Variants in FSTL5 observed in about 807,000 individuals in gnomAD.
FSTL5 encodes the protein follistatin like 5.
FSTL5 carries 62 observed loss-of-function variants against 89.1 expected under a neutral mutation model. The observed-to-expected ratio is 0.70, with a 90% confidence interval of 0.57 to 0.86. FSTL5 has a LOEUF of 0.86. Among genes scored for constraint, FSTL5 ranks in the 40% least tolerant of loss-of-function variants. The probability of loss-of-function intolerance (pLI) is 0.00; values close to 1 mark genes in which losing one functional copy is unlikely to be tolerated. For synonymous variants in FSTL5, 383 were observed against 346.2 expected (o/e 1.11, Z -1.18); for missense variants, 1,057 against 1,001.6 (o/e 1.06, Z -0.75).
chr4:162,120,337 A>G (rs1731802538), intron 1 of FSTL5, among the ~76,000 whole-genome samples: 1 of 152,082 alleles, frequency 6.6e-6, no homozygotes, highest in African/African-American at 2.4e-5. Flanking sequence ...TATTAGAACC[A>G]TGTTATGTGG....
intron 6 of FSTL5, among the ~76,000 whole-genome samples, chr4:161,719,898 C>T (rs189490665): frequency 6.6e-6 from 1 of 152,124 alleles, no homozygotes; most frequent in East Asian, 1.9e-4. Flanking sequence ...ACACAAAAAT[C>T]AACTCAAAAT....
chr4:161,712,842 C>G (rs568838933), intron 6 of FSTL5, among the ~76,000 whole-genome samples: 6 of 152,170 alleles, frequency 3.9e-5, no homozygotes, highest in African/African-American at 1.2e-4. Context: ...CCTCACCCCC[C>G]TCTCTCTCGT....
chr4:161,410,951 CAA>C (rs764615060), intron 15 of FSTL5, among the ~76,000 whole-genome samples: 9 of 127,954 alleles, frequency 7.0e-5, no homozygotes, highest in South Asian at 3.0e-4. Context: ...GTTGGTTGTT[CAA>C]AAAAAAAAAA....
intron 15 of FSTL5, among the ~76,000 whole-genome samples, chr4:161,400,346 T>C (rs970809788): frequency 1.4e-4 from 22 of 152,054 alleles, no homozygotes; most frequent in African/African-American, 4.6e-4. Context: ...ATATGAGCTC[T>C]AGATAAAATT....
intron 10 of FSTL5, among the ~76,000 whole-genome samples, chr4:161,532,656 CTCCACTGACA>C (rs1372332786): frequency 6.6e-6 from 1 of 152,132 alleles, no homozygotes; most frequent in Non-Finnish European, 1.5e-5. Flanking sequence ...GACTTCAACA[CTCCACTGACA>C]ACATTAGAAA....
chr4:162,019,236 G>C (rs144450856), intron 3 of FSTL5, among the ~76,000 whole-genome samples: 2 of 151,868 alleles, frequency 1.3e-5, no homozygotes, highest in Non-Finnish European at 2.9e-5. Flanking sequence ...CACTAATCAC[G>C]ATATATGTAT....
intron 6 of FSTL5, among the ~76,000 whole-genome samples, chr4:161,673,690 T>G (rs1458918184): frequency 1.3e-5 from 2 of 152,018 alleles, no homozygotes; most frequent in African/African-American, 4.8e-5. Context: ...ATGTCACTAT[T>G]TTTATATTTA....
At chr4:161,867,762 C>T (rs1408443927) in intron 4 of FSTL5, among the ~76,000 whole-genome samples, 1 of 151,646 alleles carries the variant, frequency 6.6e-6, no homozygotes, top group East Asian at 1.9e-4. Flanking sequence ...AAAAAAATCA[C>T]ATTCTAAGAT....
At chr4:162,071,590 G>C (rs1028866778) in intron 2 of FSTL5, among the ~76,000 whole-genome samples, 2 of 151,718 alleles carry the variant, frequency 1.3e-5, no homozygotes, top group African/African-American at 4.8e-5. Flanking sequence ...AGATCATCTA[G>C]ACAGATAATC....
Position 161,385,696 on chromosome 4 carries a change from A to C in FSTL5, c.*51T>G. ...AAGTTGTAAATTTAAACAATGGATTAAGTGCAATGTATTGTAAAACGCTTC... is the reference window on the plus strand; with the variant it reads ...AAGTTGTAAATTTAAACAATGGATTCAGTGCAATGTATTGTAAAACGCTTC... On this transcript the variant is annotated 3_prime_UTR_variant, in exon 16 of 16. Coordinates refer to ENST00000306100, the MANE Select transcript of FSTL5 (RefSeq NM_020116.5). 3 of 1,241,998 alleles carry C rather than the reference A, an allele frequency of 2.4e-6. No individual in the cohort carries two copies. The highest frequency in any genetic ancestry group is 3.4e-6 in the Non-Finnish European group (3 of 885,232). The allele number at this position is 1,241,998 out of a possible 1,614,324, so 76.9% of individuals were successfully genotyped here.
At chr4:162,130,604 G>A (rs985578619) in intron 1 of FSTL5, among the ~76,000 whole-genome samples, 4 of 152,134 alleles carry the variant, frequency 2.6e-5, no homozygotes, top group Non-Finnish European at 5.9e-5. Context: ...ATCTTTTCCA[G>A]ATATGTCAAG....
intron 2 of FSTL5, among the ~76,000 whole-genome samples, chr4:162,110,112 T>A (rs1731376571): frequency 6.6e-6 from 1 of 152,038 alleles, no homozygotes; most frequent in Non-Finnish European, 1.5e-5. Context: ...TTTACAATGA[T>A]TTTGACATTA....
chr4:162,004,128 G>T (rs965404936), intron 3 of FSTL5, among the ~76,000 whole-genome samples: 1 of 151,982 alleles, frequency 6.6e-6, no homozygotes, highest in African/African-American at 2.4e-5. Flanking sequence ...CTAAACTCTA[G>T]ATCCAGGTAT....
chr4:161,627,331 T>A (rs892627677), intron 7 of FSTL5, among the ~76,000 whole-genome samples: 1 of 152,212 alleles, frequency 6.6e-6, no homozygotes, highest in African/African-American at 2.4e-5. Context: ...AAGGCTCAGA[T>A]AATTGTCAGC....
At chr4:162,116,501 C>G (rs1001794995) in intron 1 of FSTL5, among the ~76,000 whole-genome samples, 1 of 152,160 alleles carries the variant, frequency 6.6e-6, no homozygotes, top group Non-Finnish European at 1.5e-5. Flanking sequence ...GAAGTCCCTG[C>G]CCCCTGCCAC....
intron 7 of FSTL5, among the ~76,000 whole-genome samples, chr4:161,613,572 C>A (rs1734732076): frequency 6.6e-6 from 1 of 151,924 alleles, no homozygotes; most frequent in Non-Finnish European, 1.5e-5. Context: ...GAGTGCAGGA[C>A]CAGGAGACAG....
chr4:161,469,723 C>T (rs1225729924), intron 13 of FSTL5, among the ~76,000 whole-genome samples: 1 of 151,762 alleles, frequency 6.6e-6, no homozygotes, highest in East Asian at 1.9e-4. Context: ...CTGGAAGCTC[C>T]GCCTCCCGGG....
chr4:161,585,784 G>A (rs921799734), intron 8 of FSTL5, among the ~76,000 whole-genome samples: 12 of 152,032 alleles, frequency 7.9e-5, no homozygotes, highest in Non-Finnish European at 1.6e-4. Context: ...CTATAGGGAC[G>A]AGCATCCTCA....
At chr4:161,908,543 G>A (rs1193690989) in intron 4 of FSTL5, among the ~76,000 whole-genome samples, 1 of 151,816 alleles carries the variant, frequency 6.6e-6, no homozygotes, top group African/African-American at 2.4e-5. Flanking sequence ...TTTTAAAATA[G>A]CACTTTCTTT....
Sources: gnomAD v4.1 joint callset for allele counts (sites outside exome capture counted in the v4.1 genomes callset) on GRCh38, gnomAD v4.1.1 for gene constraint, MANE v1.5 for transcripts, NCBI Gene and HGNC (gene_info 2026-07-23, HGNC 2026-07-21) for gene names.